SMTNL1: variants seen among roughly 807,000 people sequenced by gnomAD.
SMTNL1 encodes the protein smoothelin like 1.
SMTNL1 carries 41 observed loss-of-function variants against 46.6 expected under a neutral mutation model. The observed-to-expected ratio is 0.88, with a 90% CI of 0.69 to 1.14. The LOEUF (loss-of-function observed/expected upper bound fraction) is 1.14. Ranked by LOEUF, SMTNL1 falls within the 50% of genes most tolerant of loss-of-function variation. The pLI, the probability that SMTNL1 is intolerant of heterozygous loss-of-function variation, is 0.00. For synonymous variants in SMTNL1, 234 were observed against 234.2 expected, an observed-to-expected ratio of 1.00 and a Z score of 0.01; for missense variants, 591 against 626.1, an observed-to-expected ratio of 0.94 and a Z score of 0.60.
At chr11:57,547,606 C>T (rs1459199473) in intron 7 of SMTNL1, among the ~76,000 whole-genome samples, 2 of 152,234 alleles carry the variant, frequency 1.3e-5, no homozygotes, top group East Asian at 1.9e-4. Flanking sequence ...AACTCTCCTC[C>T]GATTCCCATG....
chr11:57,539,717 C>A (rs956689879), intron 1 of SMTNL1, among the ~76,000 whole-genome samples: 1 of 152,204 alleles, frequency 6.6e-6, no homozygotes, highest in Non-Finnish European at 1.5e-5. Context: ...CTCAGGTGAT[C>A]CTCCTGCCTC....
rs770426796 is a variant in SMTNL1, at chr11:57,543,353, G to GGCGGAGGAT, written c.714_722dup (p.Asp240_Glu242dup). On this transcript the variant is annotated inframe_insertion, in exon 2 of 8. Transcript: ENST00000527972. ...AAGAGGAGGCTGATGCAAAAGAGGA[G>GGCGGAGGAT]GCGGAGGATGCAGAGGAGGCAGTGA... 6.2e-7 allele frequency: 1 copy of GGCGGAGGAT among 1,613,936 alleles called. No individual in the cohort carries two copies.
At chr11:57,539,767 C>T (rs974330787) in intron 1 of SMTNL1, among the ~76,000 whole-genome samples, 3 of 152,326 alleles carry the variant, frequency 2.0e-5, no homozygotes, top group Middle Eastern at 3.4e-3. Context: ...TGTGCCGCCA[C>T]GTCTGGCTCC....
intron 1 of SMTNL1, chr11:57,541,561 C>T (rs758338503): frequency 1.9e-5 from 26 of 1,366,574 alleles, no homozygotes; most frequent in Admixed American, 1.5e-4. Context: ...AGGGAGAGTA[C>T]GGCTCCATTC....
At position 57,537,611 on chromosome 11, in the gene SMTNL1, C is replaced by T. The variant is rs1427454538; in HGVS notation, c.-34C>T. On this transcript the variant is annotated 5_prime_UTR_variant, in exon 1 of 8. Coordinates refer to ENST00000527972, the MANE Select transcript of SMTNL1 (RefSeq NM_001105565.3). ...AGGCCACTCAGCTGGAGCAAAGAGA[C>T]AGCTCCCAAGCCACAGGCAGAAGCC... Among the ~76,000 whole-genome samples the T allele has an allele frequency of 3.3e-5, 5 of 152,206 alleles. No homozygotes were observed. Among genetic ancestry groups the T allele is most frequent in the Non-Finnish European group, 7.3e-5 (5 of 68,032 alleles).
Position 57,545,997 on chromosome 11 carries a change from G to A in SMTNL1, c.1034G>A (p.Arg345Gln), listed in dbSNP as rs192534496. The change falls in exon 5 of 8, where the codon CGG becomes CAG. Residue 345 changes from arginine (R) to glutamine (Q), a missense_variant. Transcript: ENST00000527972. ...GCCCCTGCTCGGCCCCGGGGGCCCC[G>A]GGCACAGAACCGCAAAGCCATCGTG... Reference protein sequence around the residue: ...VSAPARPRGPRAQNRKAIVDK... With the variant: ...VSAPARPRGPQAQNRKAIVDK... The A allele has an allele frequency of 2.3e-5, 37 of 1,602,842 alleles. No homozygotes were observed. The highest frequency in any genetic ancestry group is 1.7e-4 in the Middle Eastern group (1 of 5,990).
At chr11:57,541,416 G>T in intron 1 of SMTNL1, 1 of 1,251,264 alleles carries the variant, frequency 8.0e-7, no homozygotes, top group Non-Finnish European at 1.1e-6. Flanking sequence ...GAGCTAACCC[G>T]GGGCCCCCAC....
intron 1 of SMTNL1, among the ~76,000 whole-genome samples, chr11:57,542,162 G>A (rs1301757919): frequency 6.6e-6 from 1 of 151,238 alleles, no homozygotes; most frequent in Non-Finnish European, 1.5e-5. Context: ...GCCAGGTGTG[G>A]TGGTAAGCAC....
chr11:57,539,811 C>G (rs1944858716), intron 1 of SMTNL1, among the ~76,000 whole-genome samples: 1 of 152,194 alleles, frequency 6.6e-6, no homozygotes, highest in Non-Finnish European at 1.5e-5. Context: ...TCTTAATCCT[C>G]CACCATCCCT....
rs553248025 is a variant in SMTNL1, at chr11:57,541,450, A to C, written c.-2-1191A>C. On this transcript the variant is annotated intron_variant, in intron 1 of 7. Transcript: ENST00000527972. ...ACACACCTGTTTTTGTAGATCCTCC[A>C]GTATATACAGTACTTAAATAGGAAA... is the stretch of plus-strand genomic sequence containing the variant. 1.9e-4 allele frequency: 256 copies of C among 1,356,422 alleles called. 3 individuals are homozygous for C. Among genetic ancestry groups the C allele is most frequent in the Non-Finnish European group, 1.7e-4 (176 of 1,016,020 alleles). The allele number at this position is 1,356,422 out of a possible 1,614,324, so 84.0% of individuals were successfully genotyped here. A position where few individuals can be genotyped will look rare whatever the true frequency, so the allele number is the denominator to read the frequency against.
intron 2 of SMTNL1, 41 bp downstream of exon 2, chr11:57,543,415 C>G (rs376822641): frequency 5.5e-5 from 88 of 1,587,676 alleles, no homozygotes; most frequent in Non-Finnish European, 7.5e-5. Context: ...TCTGTCGTCT[C>G]CTGCTTCTGG....
In SMTNL1 at chr11:57,542,706, C is replaced by T. The variant is rs755224098; in HGVS notation, c.64C>T (p.Pro22Ser). 2.5e-5 allele frequency: 40 copies of T among 1,613,930 alleles called. No individual in the cohort carries two copies. The highest frequency in any genetic ancestry group is 3.3e-5 in the Non-Finnish European group (39 of 1,179,876). ...CACCGTCTCCCCAGCTGCGGACAAC[C>T]CTGAGATGTCAGGAGGTGGAGCCCC... ...GTTVSPAADN[P>S]EMSGGGAPAE... The change falls in exon 2 of 8, where the codon CCT becomes TCT. Residue 22 changes from proline to serine, a missense_variant. Transcript: ENST00000527972.
At chr11:57,544,757 G>A (rs1944908583) in intron 4 of SMTNL1, among the ~76,000 whole-genome samples, 1 of 152,124 alleles carries the variant, frequency 6.6e-6, no homozygotes, top group Non-Finnish European at 1.5e-5. Context: ...GATAAAATAA[G>A]AGGCTTATGC....
chr11:57,543,139 T>G lies in SMTNL1; in HGVS notation c.497T>G (p.Val166Gly). ...GACAAGCCTGAACCTAAGGCAACAG[T>G]TGAGGAGGAGGACGCCAAGACAGCC... is the stretch of plus-strand genomic sequence containing the variant. Reference protein sequence around the residue: ...DRDKPEPKATVEEEDAKTASQ... With the variant: ...DRDKPEPKATGEEEDAKTASQ... The change falls in exon 2 of 8, where the codon GTT becomes GGT. Residue 166 changes from valine (V) to glycine (G), a missense_variant. Physicochemically the swap from Val to Gly is moderately radical, Grantham distance 109. Transcript: ENST00000527972. The G allele has an allele frequency of 6.2e-7, 1 of 1,612,862 alleles. No homozygotes were observed. The highest frequency in any genetic ancestry group is 8.5e-7 in the Non-Finnish European group (1 of 1,179,500).
chr11:57,548,439 G>A (rs755011418), intron 7 of SMTNL1, among the ~76,000 whole-genome samples: 1 of 152,156 alleles, frequency 6.6e-6, no homozygotes, highest in Non-Finnish European at 1.5e-5. Context: ...GGAGACCGAG[G>A]CGTGGGGATC....
At chr11:57,543,995 G>C in intron 4 of SMTNL1, 75 bp downstream of exon 4, 2 of 1,437,870 alleles carry the variant, frequency 1.4e-6, no homozygotes, top group South Asian at 2.5e-5. Context: ...CATCAACTCA[G>C]TCTGGGTTCC....
At chr11:57,544,425 G>A (rs1340688004) in intron 4 of SMTNL1, among the ~76,000 whole-genome samples, 2 of 152,180 alleles carry the variant, frequency 1.3e-5, no homozygotes, top group East Asian at 3.8e-4. Context: ...GCAGAAAGGA[G>A]CACGAAGGAT....
chr11:57,542,907 G>C lies in SMTNL1; in HGVS notation c.265G>C (p.Asp89His), dbSNP rs752021850. The C allele has an allele frequency of 1.4e-5, 23 of 1,608,798 alleles. No individual in the cohort carries two copies. The highest frequency in any genetic ancestry group is 2.0e-5 in the Non-Finnish European group (23 of 1,177,504). Residue 89 changes from aspartate to histidine, a missense_variant, in exon 2 of 8, where the codon GAT becomes CAT. Physicochemically the swap from Asp to His is moderately conservative, Grantham distance 81 (BLOSUM62 -1). Transcript: ENST00000527972. Reference sequence around the variant, plus strand: ...TCAGAGGGAGGCTGGTGGGAAAGAGGATGCTGAGGCTGAACTTAAAAAGGA... The same window carrying C: ...TCAGAGGGAGGCTGGTGGGAAAGAGCATGCTGAGGCTGAACTTAAAAAGGA... ...ESQREAGGKE[D>H]AEAELKKEDG...
Position 57,542,874 on chromosome 11 carries a change from G to T in SMTNL1, c.232G>T (p.Val78Leu). Residue 78 changes from valine to leucine, a missense_variant, in exon 2 of 8, where the codon GTG becomes TTG. Coordinates refer to ENST00000527972, the MANE Select transcript of SMTNL1 (RefSeq NM_001105565.3). ...AGCAAATGGATTAGATGAGGTCAAA[G>T]TGGAATCTCAGAGGGAGGCTGGTGG... ...GEANGLDEVK[V>L]ESQREAGGKE... 6.2e-7 allele frequency: 1 copy of T among 1,612,178 alleles called. No individual in the cohort carries two copies. Among genetic ancestry groups the T allele is most frequent in the East Asian group, 2.2e-5 (1 of 44,868 alleles).
Sources: gnomAD v4.1 joint callset for allele counts (sites outside exome capture counted in the v4.1 genomes callset) on GRCh38, gnomAD v4.1.1 for gene constraint, MANE v1.5 for transcripts, NCBI Gene and HGNC (gene_info 2026-07-23, HGNC 2026-07-21) for gene names.